DIP2B: variants seen among roughly 807,000 people sequenced by gnomAD.
The protein encoded by DIP2B is DIP2 acetate--CoA ligase B (putative), also known as disco-interacting protein 2 homolog B.
A neutral mutation model predicts 198.0 loss-of-function variants in DIP2B; 76 were observed. The observed-to-expected ratio is 0.38, with a 90% CI of 0.32 to 0.46. The LOEUF (loss-of-function observed/expected upper bound fraction) is 0.46, where lower values mean the gene tolerates loss of function less well. Among genes scored for constraint, DIP2B ranks in the 20% least tolerant of loss-of-function variants. The probability of loss-of-function intolerance (pLI) is 0.99; values close to 1 mark genes in which losing one functional copy is unlikely to be tolerated. For synonymous variants in DIP2B, 701 were observed against 739.1 expected, an observed-to-expected ratio of 0.95 and a Z score of 0.84; for missense variants, 1,559 against 1,978.4, an observed-to-expected ratio of 0.79 and a Z score of 4.02.
chr12:50,616,129 T>C (rs1000149230), intron 1 of DIP2B, among the ~76,000 whole-genome samples: 1 of 152,248 alleles, frequency 6.6e-6, no homozygotes, highest in Non-Finnish European at 1.5e-5. Flanking sequence ...AAGTCACATA[T>C]GTTTGACCTA....
intron 28 of DIP2B, 96 bp from the exon 29 acceptor site, chr12:50,727,607 C>T (rs1410243600): frequency 1.4e-5 from 15 of 1,061,592 alleles, no homozygotes; most frequent in Admixed American, 1.9e-5. Flanking sequence ...AGCAAATCTG[C>T]GAAGCTAAAT....
chr12:50,666,938 G>A (rs1057331796), intron 4 of DIP2B, among the ~76,000 whole-genome samples: 4 of 152,134 alleles, frequency 2.6e-5, no homozygotes, highest in Non-Finnish European at 5.9e-5. Context: ...AGGAGACCCT[G>A]TCTCAAAAAA....
intron 1 of DIP2B, among the ~76,000 whole-genome samples, chr12:50,587,869 C>T (rs780001606): frequency 1.6e-4 from 25 of 152,070 alleles, no homozygotes; most frequent in Admixed American, 3.3e-4. Context: ...GGGTCTGTCC[C>T]AGAGAATAAA....
At chr12:50,707,684 G>A (rs1939538747) in intron 21 of DIP2B, among the ~76,000 whole-genome samples, 1 of 152,116 alleles carries the variant, frequency 6.6e-6, no homozygotes, top group Non-Finnish European at 1.5e-5. Flanking sequence ...TAGATAACAT[G>A]TGAGACAGTG....
In DIP2B at chr12:50,549,204, C is replaced by T. The variant is rs995447832; in HGVS notation, c.100+43964C>T. On this transcript the variant is annotated intron_variant, in intron 1 of 37. Transcript: ENST00000301180. ...AAAAAAAGGGCTGGGCGCGGTGGCT[C>T]ATGCCTGTAATCCCAGCACTTTGGG... 4.7e-5 allele frequency among the ~76,000 whole-genome samples: 7 copies of T among 150,350 alleles called. 1 individual carries two copies. The Middle Eastern group carries it at 0.021, about 454-fold the overall frequency.
In DIP2B at chr12:50,744,746, G is replaced by C. The variant is rs546140546; in HGVS notation, c.4638G>C (p.Pro1546=). 1 of 1,614,104 alleles carries C rather than the reference G, an allele frequency of 6.2e-7. No individual in the cohort carries two copies. Residue 1546 remains proline, a synonymous_variant, in exon 38 of 38, where the codon CCG becomes CCC. Transcript: ENST00000301180. ...VVVVVDPGVI[P]INSRGEKQRM... ...TTGTGGTGGACCCAGGTGTCATCCC[G>C]ATCAACTCCAGAGGAGAGAAGCAGA...
intron 5 of DIP2B, among the ~76,000 whole-genome samples, chr12:50,673,431 G>A (rs1938889322): frequency 6.6e-6 from 1 of 152,146 alleles, no homozygotes; most frequent in Non-Finnish European, 1.5e-5. Context: ...TTTTGTTGTT[G>A]TCGTTACGTG....
chr12:50,644,367 A>G (rs905976908), intron 3 of DIP2B, among the ~76,000 whole-genome samples: 10 of 152,228 alleles, frequency 6.6e-5, no homozygotes, highest in Non-Finnish European at 1.3e-4. Flanking sequence ...ATCTCTTGAG[A>G]AGTTAGGTAC....
chr12:50,565,124 C>T (rs958872758), intron 1 of DIP2B, among the ~76,000 whole-genome samples: 3 of 151,804 alleles, frequency 2.0e-5, no homozygotes, highest in African/African-American at 7.3e-5. Flanking sequence ...CAGCTCAGCC[C>T]CCTGAGTAGC....
chr12:50,664,830 GTTTTTGTTTTTTTTTTTTTTTTTTT>G (rs1938720193), intron 4 of DIP2B, among the ~76,000 whole-genome samples: 1 of 99,686 alleles, frequency 1.0e-5, no homozygotes, highest in African/African-American at 4.2e-5. Context: ...TCCTTTTTTG[GTTTTTGTTTTTTTTTTTTTTTTTTT>G]TTTTTTTTTT....
At position 50,718,830 on chromosome 12, in the gene DIP2B, T is replaced by C. The variant is rs1285430061; in HGVS notation, c.2961+12T>C. The C allele has an allele frequency of 6.2e-7, 1 of 1,612,896 alleles. No individual in the cohort carries two copies. The highest frequency in any genetic ancestry group is 8.5e-7 in the Non-Finnish European group (1 of 1,178,946). The stretch of plus-strand genomic sequence containing the variant: ...ATTTGGTGAGGAAGGTAAGTGTTCC[T>C]GAAGTGTTACCTTCTTACAGTCAAG... On this transcript the variant is annotated intron_variant, in intron 24 of 37. Coordinates refer to ENST00000301180, the MANE Select transcript of DIP2B (RefSeq NM_173602.3).
intron 30 of DIP2B, 134 bp from the exon 31 acceptor site, chr12:50,731,235 C>A: frequency 1.8e-6 from 2 of 1,101,876 alleles, no homozygotes; most frequent in South Asian, 2.1e-5. Context: ...AAGACTGATT[C>A]TTAGAGCTTT....
chr12:50,608,864 G>T (rs1367102272), intron 1 of DIP2B, among the ~76,000 whole-genome samples: 1 of 151,892 alleles, frequency 6.6e-6, no homozygotes, highest in Non-Finnish European at 1.5e-5. Flanking sequence ...TTTATTAGCC[G>T]GGCATGGTGG....
intron 3 of DIP2B, among the ~76,000 whole-genome samples, chr12:50,654,356 CTTTTT>C (rs762869779): frequency 7.6e-6 from 1 of 131,520 alleles, no homozygotes; most frequent in African/African-American, 2.8e-5. Context: ...TTCTTTCTTT[CTTTTT>C]TTTTTTTTTT....
At chr12:50,699,246 C>T in intron 19 of DIP2B, 44 bp downstream of exon 19, 1 of 1,610,718 alleles carries the variant, frequency 6.2e-7, no homozygotes, top group Non-Finnish European at 8.5e-7. Context: ...TTGGGGATTT[C>T]AGGATGTTAC....
chr12:50,736,909 G>C (rs1374082320), intron 34 of DIP2B, 127 bp from the exon 35 acceptor site: 2 of 802,362 alleles, frequency 2.5e-6, no homozygotes, highest in African/African-American at 3.4e-5. Flanking sequence ...TAGCTGCTGT[G>C]ATGCCGCTAC....
intron 4 of DIP2B, among the ~76,000 whole-genome samples, chr12:50,668,955 C>T (rs1326717161): frequency 6.6e-6 from 1 of 152,030 alleles, no homozygotes; most frequent in Non-Finnish European, 1.5e-5. Context: ...TTAATCACCC[C>T]CCTTTTGCAT....
intron 3 of DIP2B, among the ~76,000 whole-genome samples, chr12:50,646,824 C>T (rs1178303731): frequency 6.6e-6 from 1 of 152,116 alleles, no homozygotes; most frequent in African/African-American, 2.4e-5. Flanking sequence ...TAATTGTGAA[C>T]TTTTCTGTCT....
intron 4 of DIP2B, among the ~76,000 whole-genome samples, chr12:50,670,898 A>T (rs780800854): frequency 2.0e-5 from 3 of 152,228 alleles, no homozygotes; most frequent in Non-Finnish European, 4.4e-5. Context: ...AAAAATTTAG[A>T]TACTGATTAA....
Sources: gnomAD v4.1 joint callset for allele counts (sites outside exome capture counted in the v4.1 genomes callset) on GRCh38, gnomAD v4.1.1 for gene constraint, MANE v1.5 for transcripts, NCBI Gene and HGNC (gene_info 2026-07-23, HGNC 2026-07-21) for gene names.